ATP10B: variants seen among roughly 807,000 people sequenced by gnomAD.
ATP10B encodes phospholipid-transporting ATPase VB.
A neutral mutation model predicts 141.2 loss-of-function variants in ATP10B; 122 were observed. The observed-to-expected ratio is 0.86, with a 90% confidence interval of 0.75 to 1.00. The LOEUF is 1.00. ATP10B is among the 50% of genes least tolerant of loss of function. ATP10B has a pLI of 0.00. For missense variants in ATP10B, 1,876 were observed against 1,825.3 expected (o/e 1.03, Z -0.51); for synonymous variants, 685 against 692.0 (o/e 0.99, Z 0.16).
chr5:160,606,739 C>T, intron 19 of ATP10B, 26 bp downstream of exon 19: 1 of 1,596,712 alleles, frequency 6.3e-7, no homozygotes, highest in Non-Finnish European at 8.6e-7. Context: ...GCCAAAGTGC[C>T]ACCCGCATCT....
chr5:160,663,712 C>G (rs1412091875), intron 7 of ATP10B, among the ~76,000 whole-genome samples: 10 of 149,794 alleles, frequency 6.7e-5, no homozygotes, highest in South Asian at 2.1e-4. Flanking sequence ...ATGGGTGCAG[C>G]ACACCAACAT....
intron 1 of ATP10B, among the ~76,000 whole-genome samples, chr5:160,802,815 T>G (rs569649179): frequency 1.6e-3 from 244 of 152,268 alleles, no homozygotes; most frequent in African/African-American, 5.7e-3. Flanking sequence ...AGAGTGTGTG[T>G]GGGGATGCTT....
At chr5:160,621,645 G>A (rs1359207513) in intron 14 of ATP10B, among the ~76,000 whole-genome samples, 2 of 152,188 alleles carry the variant, frequency 1.3e-5, no homozygotes, top group African/African-American at 4.8e-5. Context: ...ATGAAGGGAG[G>A]TTGTGGTTTA....
At chr5:160,903,513 C>T in the ATP10B span, among the ~76,000 whole-genome samples, 2 of 152,170 alleles carry the variant, frequency 1.3e-5, no homozygotes, top group African/African-American at 4.8e-5. Flanking sequence ...AAATGGAAAA[C>T]TTGCAATAAC....
chr5:160,627,483 A>G (rs1465574184), intron 13 of ATP10B, among the ~76,000 whole-genome samples: 1 of 152,252 alleles, frequency 6.6e-6, no homozygotes, highest in Admixed American at 6.5e-5. Flanking sequence ...AGACACTGGC[A>G]GAGGTGGGAA....
intron 24 of ATP10B, among the ~76,000 whole-genome samples, chr5:160,579,582 G>A (rs60401548): frequency 1.3e-5 from 2 of 152,142 alleles, no homozygotes; most frequent in African/African-American, 4.8e-5. Context: ...TTGTAGCATA[G>A]TTTGAAGTCA....
At chr5:160,681,086 A>AG (rs1483870299) in intron 6 of ATP10B, among the ~76,000 whole-genome samples, 6 of 152,162 alleles carry the variant, frequency 3.9e-5, no homozygotes, top group Non-Finnish European at 8.8e-5. Flanking sequence ...CTCCTACCTC[A>AG]GGACACTTGT....
chr5:160,810,382 G>C (rs1393638429), intron 1 of ATP10B, among the ~76,000 whole-genome samples: 1 of 142,702 alleles, frequency 7.0e-6, no homozygotes, highest in Non-Finnish European at 1.6e-5. Context: ...CTAAATGTAT[G>C]AGATTTTTAA....
At chr5:160,898,245 T>C in the ATP10B span, among the ~76,000 whole-genome samples, 5 of 152,132 alleles carry the variant, frequency 3.3e-5, no homozygotes, top group Non-Finnish European at 5.9e-5. Flanking sequence ...TTTTGCAATC[T>C]ATCCATCTGA....
chr5:160,852,856 C>T (rs1753877712), upstream of ATP10B, among the ~76,000 whole-genome samples: 3 of 151,526 alleles, frequency 2.0e-5, no homozygotes, highest in South Asian at 6.2e-4. Context: ...TTGATGGGTC[C>T]ATAAATAAAA....
At chr5:160,690,088 C>T (rs966074628) in intron 3 of ATP10B, among the ~76,000 whole-genome samples, 2 of 150,620 alleles carry the variant, frequency 1.3e-5, no homozygotes, top group East Asian at 1.9e-4. Context: ...ACAAACCTGA[C>T]AAAAACGAGC....
chr5:160,687,070 A>G (rs1318322369), intron 5 of ATP10B: 1 of 453,160 alleles, frequency 2.2e-6, no homozygotes, highest in East Asian at 1.6e-4. Context: ...TCACTCAGGT[A>G]ATGCAGTCTC....
intron 5 of ATP10B, among the ~76,000 whole-genome samples, chr5:160,687,538 C>T (rs895446424): frequency 1.3e-5 from 2 of 151,940 alleles, no homozygotes; most frequent in Non-Finnish European, 2.9e-5. Context: ...TTGAGGCAGG[C>T]GGATCACTGG....
intron 1 of ATP10B, among the ~76,000 whole-genome samples, chr5:160,843,616 G>C (rs910292333): frequency 1.3e-5 from 2 of 151,720 alleles, no homozygotes; most frequent in Admixed American, 6.6e-5. Context: ...ATCTGATAGA[G>C]ATTTCCCCAA....
the ATP10B span, among the ~76,000 whole-genome samples, chr5:160,880,106 TAAAAG>T: frequency 6.7e-6 from 1 of 148,914 alleles, no homozygotes; most frequent in Non-Finnish European, 1.5e-5. Context: ...GAAACTATTA[TAAAAG>T]AAATTATGTA....
chr5:160,733,696 T>C (rs80096043), intron 2 of ATP10B, among the ~76,000 whole-genome samples: 451 of 27,878 alleles, frequency 0.016, 3 homozygotes, highest in African/African-American at 0.088. Context: ...CACACACATA[T>C]ATATATATAT....
At chr5:160,819,006 G>A (rs975837106) in intron 1 of ATP10B, among the ~76,000 whole-genome samples, 50 of 152,152 alleles carry the variant, frequency 3.3e-4, no homozygotes, top group South Asian at 6.2e-4. Flanking sequence ...TTGCTGGGGG[G>A]TGGGAGTGGG....
At chr5:160,755,742 GA>G (rs1281950569) in intron 2 of ATP10B, among the ~76,000 whole-genome samples, 1 of 145,260 alleles carries the variant, frequency 6.9e-6, no homozygotes, top group Non-Finnish European at 1.5e-5. Flanking sequence ...GTGAACTCGG[GA>G]GGCGGAGCTT....
At chr5:160,817,228 T>C (rs558025271) in intron 1 of ATP10B, among the ~76,000 whole-genome samples, 9 of 152,200 alleles carry the variant, frequency 5.9e-5, no homozygotes, top group Non-Finnish European at 1.2e-4. Context: ...TGTTTGCAGA[T>C]GACATGATTG....
Sources: allele counts gnomAD v4.1 joint callset (sites outside exome capture counted in the v4.1 genomes callset), GRCh38; gene constraint gnomAD v4.1.1; transcripts MANE v1.5; gene names NCBI Gene and HGNC (gene_info 2026-07-23, HGNC 2026-07-21).